LANCL1: variants seen among roughly 807,000 people sequenced by gnomAD.
LANCL1 encodes the protein glutathione S-transferase LANCL1.
LANCL1 carries 50 observed loss-of-function variants against 50.6 expected under a neutral mutation model. The ratio of observed to expected loss-of-function variants is 0.99; its 90% CI spans 0.79 to 1.25. The LOEUF (loss-of-function observed/expected upper bound fraction) is 1.25, where lower values mean the gene tolerates loss of function less well. Ranked by LOEUF, LANCL1 falls within the 50% of genes most tolerant of loss-of-function variation. The pLI is 0.00. For missense variants in LANCL1, 532 were observed against 480.7 expected, an observed-to-expected ratio of 1.11 and a Z score of -1.00; for synonymous variants, 188 against 178.6, an observed-to-expected ratio of 1.05 and a Z score of -0.42.
chr2:210,432,406 C>G lies in LANCL1; in HGVS notation c.*2081G>C, dbSNP rs1012600219. 6.6e-6 allele frequency: 1 copy of G among 152,092 alleles called. No individual in the cohort carries two copies. Among genetic ancestry groups the G allele is most frequent in the East Asian group, 1.9e-4 (1 of 5,184 alleles). 9.4% of individuals were successfully genotyped at this position (152,092 alleles called of 1,614,324 possible). ...CAATTTTTTGTGTGAAAAATCAGACCTTGGCAATGACTTTGAGCAGTAGGA... is the reference window on the plus strand; with the variant it reads ...CAATTTTTTGTGTGAAAAATCAGACGTTGGCAATGACTTTGAGCAGTAGGA... On this transcript the variant is annotated 3_prime_UTR_variant, in exon 10 of 10. Coordinates refer to ENST00000450366, the MANE Select transcript of LANCL1 (RefSeq NM_006055.3).
chr2:210,476,943 C>T (rs1318539160), upstream of LANCL1, among the ~76,000 whole-genome samples: 3 of 152,160 alleles, frequency 2.0e-5, no homozygotes, highest in African/African-American at 7.2e-5. Context: ...ATATTTCCTA[C>T]CCTTCTTTAA....
At chr2:210,447,863 T>G (rs933661570) in intron 4 of LANCL1, among the ~76,000 whole-genome samples, 2 of 152,152 alleles carry the variant, frequency 1.3e-5, no homozygotes, top group Non-Finnish European at 2.9e-5. Flanking sequence ...AAGCAAGTTC[T>G]TAGAGACCTA....
At position 210,432,996 on chromosome 2, in the gene LANCL1, T is replaced by C. The variant is rs948310619; in HGVS notation, c.*1491A>G. 1 of 152,588 alleles carries C rather than the reference T, an allele frequency of 6.6e-6. No homozygotes were observed. The highest frequency in any genetic ancestry group is 2.4e-5 in the African/African-American group (1 of 41,444). The allele number at this position is 152,588 out of a possible 1,614,324, so 9.5% of individuals were successfully genotyped here. ...TCTTTTGGTGCTAAACAGGAGATAA[T>C]AGGAGACTGCTACCTGCAGGAACCA... On this transcript the variant is annotated 3_prime_UTR_variant, in exon 10 of 10. Coordinates refer to ENST00000450366, the MANE Select transcript of LANCL1 (RefSeq NM_006055.3).
chr2:210,434,243 A>G lies in LANCL1; in HGVS notation c.*244T>C, dbSNP rs921026861. 11 of 449,744 alleles carry G rather than the reference A, an allele frequency of 2.4e-5. No individual in the cohort carries two copies. Among genetic ancestry groups the G allele is most frequent in the Non-Finnish European group, 4.0e-5 (10 of 252,048 alleles). The allele number at this position is 449,744 out of a possible 1,614,324, so 27.9% of individuals were successfully genotyped here. On this transcript the variant is annotated 3_prime_UTR_variant, in exon 10 of 10. Coordinates refer to ENST00000450366, the MANE Select transcript of LANCL1 (RefSeq NM_006055.3). Reference sequence around the variant, plus strand: ...TGTATACAATCTCAAAACACTGTACATATCACTCACTCTCCCTTTAGGAAG... The same window carrying G: ...TGTATACAATCTCAAAACACTGTACGTATCACTCACTCTCCCTTTAGGAAG...
intron 2 of LANCL1, among the ~76,000 whole-genome samples, chr2:210,475,619 C>T (rs1694333498): frequency 6.6e-6 from 1 of 152,168 alleles, no homozygotes; most frequent in Non-Finnish European, 1.5e-5. Context: ...TGGTGTGAGC[C>T]ACTGCACCCA....
intron 3 of LANCL1, among the ~76,000 whole-genome samples, chr2:210,470,398 G>C (rs1694192361): frequency 6.6e-6 from 1 of 151,718 alleles, no homozygotes; most frequent in East Asian, 1.9e-4. Flanking sequence ...AATTTTACTG[G>C]TTTAATCTGT....
At chr2:210,472,125 T>C (rs1236960227) in intron 2 of LANCL1, 49 bp from the exon 3 acceptor site, 5 of 1,246,114 alleles carry the variant, frequency 4.0e-6, no homozygotes, top group East Asian at 2.3e-5. Flanking sequence ...GTCACCCAGC[T>C]TGCTGGACTA....
chr2:210,471,434 T>G (rs1694221104), intron 3 of LANCL1: 1 of 366,368 alleles, frequency 2.7e-6, no homozygotes, highest in African/African-American at 2.1e-5. Context: ...TGATTGAGAT[T>G]GGCAATGCAG....
intron 4 of LANCL1, 146 bp from the exon 5 acceptor site, chr2:210,441,589 TCA>T: frequency 1.7e-6 from 1 of 597,092 alleles, no homozygotes; most frequent in Non-Finnish European, 2.8e-6. Context: ...CAGTCACGGT[TCA>T]CAGATTAGCC....
At chr2:210,443,901 A>C (rs1315550426) in intron 4 of LANCL1, among the ~76,000 whole-genome samples, 6 of 152,222 alleles carry the variant, frequency 3.9e-5, no homozygotes, top group Admixed American at 3.9e-4. Flanking sequence ...AATGAGTGGT[A>C]AAGATGGGCT....
chr2:210,440,843 C>A, intron 5 of LANCL1, 99 bp from the exon 6 acceptor site: 1 of 997,130 alleles, frequency 1.0e-6, no homozygotes, highest in East Asian at 2.6e-5. Context: ...GGGAACATGA[C>A]AAATTAGACA....
chr2:210,445,608 A>C (rs985573119), intron 4 of LANCL1, among the ~76,000 whole-genome samples: 2 of 152,172 alleles, frequency 1.3e-5, no homozygotes, highest in Non-Finnish European at 2.9e-5. Flanking sequence ...AAATATTTAT[A>C]TTAAGATATA....
intron 6 of LANCL1, among the ~76,000 whole-genome samples, chr2:210,438,219 C>G (rs1462044636): frequency 6.6e-6 from 1 of 150,532 alleles, no homozygotes; most frequent in Non-Finnish European, 1.5e-5. Context: ...CCTGCAACCT[C>G]CACCTCCCGG....
rs1380781553 is a variant in LANCL1, at chr2:210,472,053, G to A, written c.105C>T (p.Arg35=). 3.1e-6 allele frequency: 5 copies of A among 1,613,864 alleles called. No individual in the cohort carries two copies. In the Admixed American group the frequency reaches 6.7e-5, roughly 22 times the overall value. Residue 35 remains arginine (R), a synonymous_variant, in exon 3 of 10, where the codon CGC becomes CGT. Coordinates refer to ENST00000450366, the MANE Select transcript of LANCL1 (RefSeq NM_006055.3). ...GAAGCTCCCGAATCTTATTGGTCAA[G>A]CGTTGTGAGAACTCAGGAGTCAGCT... ...AGRLTPEFSQ[R]LTNKIRELLQ... is the part of the protein sequence containing the mutation.
chr2:210,440,864 G>T, intron 5 of LANCL1, 120 bp from the exon 6 acceptor site: 1 of 828,302 alleles, frequency 1.2e-6, no homozygotes, highest in Non-Finnish European at 1.9e-6. Context: ...CCAGCTTATA[G>T]CCAGGGAAAG....
At chr2:210,469,637 T>C (rs1417940714) in intron 3 of LANCL1, among the ~76,000 whole-genome samples, 2 of 152,200 alleles carry the variant, frequency 1.3e-5, no homozygotes, top group African/African-American at 4.8e-5. Flanking sequence ...TCATAGATAC[T>C]TGAGGATAAA....
At chr2:210,466,420 G>A (rs188769184) in intron 3 of LANCL1, among the ~76,000 whole-genome samples, 35 of 152,240 alleles carry the variant, frequency 2.3e-4, no homozygotes, top group Admixed American at 1.6e-3. Flanking sequence ...CCCCGGCCCC[G>A]TGAATGCCTC....
chr2:210,448,942 A>G (rs1252244844), intron 4 of LANCL1, among the ~76,000 whole-genome samples: 2 of 152,222 alleles, frequency 1.3e-5, no homozygotes, highest in Admixed American at 1.3e-4. Flanking sequence ...AGGAGCTGGT[A>G]CCATTCCTTC....
chr2:210,436,483 G>A (rs1692939141), intron 7 of LANCL1, 91 bp from the exon 8 acceptor site: 1 of 1,250,144 alleles, frequency 8.0e-7, no homozygotes, highest in Admixed American at 1.8e-5. Context: ...GAAAGAGGGA[G>A]ATGGCTTGGC....
Sources: gnomAD v4.1 joint callset for allele counts (sites outside exome capture counted in the v4.1 genomes callset) on GRCh38, gnomAD v4.1.1 for gene constraint, MANE v1.5 for transcripts, NCBI Gene and HGNC (gene_info 2026-07-23, HGNC 2026-07-21) for gene names.